Variants in TRHDE observed in about 807,000 individuals in gnomAD.
TRHDE encodes the protein thyrotropin-releasing hormone-degrading ectoenzyme.
TRHDE carries 72 observed loss-of-function variants against 125.7 expected under a neutral mutation model. The ratio of observed to expected loss-of-function variants is 0.57; its 90% CI spans 0.47 to 0.70. The LOEUF is 0.70. TRHDE is among the 30% of genes least tolerant of loss of function. The pLI is 0.00. For missense variants in TRHDE, 1,110 were observed against 1,327.1 expected, an observed-to-expected ratio of 0.84 and a Z score of 2.54; for synonymous variants, 509 against 509.1, an observed-to-expected ratio of 1.00 and a Z score of 0.00.
chr12:72,576,140 C>T (rs558901866), intron 12 of TRHDE, among the ~76,000 whole-genome samples: 2 of 152,220 alleles, frequency 1.3e-5, no homozygotes, highest in South Asian at 4.1e-4. Context: ...TAAACTGAAG[C>T]TATTTGCTCA....
intron 17 of TRHDE, among the ~76,000 whole-genome samples, chr12:72,655,159 A>G (rs1874658698): frequency 6.6e-6 from 1 of 151,888 alleles, no homozygotes; most frequent in Non-Finnish European, 1.5e-5. Context: ...TGCAGCCTTG[A>G]CCTCCTGAGT....
upstream of TRHDE, among the ~76,000 whole-genome samples, chr12:72,271,261 A>G (rs1879196404): frequency 6.6e-6 from 1 of 152,210 alleles, no homozygotes; most frequent in Non-Finnish European, 1.5e-5. Context: ...ATAATGTAAT[A>G]TATGTAGTCA....
intron 2 of TRHDE, among the ~76,000 whole-genome samples, chr12:72,252,089 C>T (rs1878698555): frequency 1.3e-5 from 2 of 151,646 alleles, no homozygotes; most frequent in South Asian, 4.2e-4. Context: ...CAGTCTGTAG[C>T]TTATATTTTT....
chr12:72,476,860 T>C (rs931086540), intron 5 of TRHDE, among the ~76,000 whole-genome samples: 2 of 152,186 alleles, frequency 1.3e-5, no homozygotes, highest in Non-Finnish European at 1.5e-5. Flanking sequence ...TGTATGTATG[T>C]GTGTTTTCAG....
chr12:72,597,762 T>TGC (rs1872037666), intron 12 of TRHDE, among the ~76,000 whole-genome samples: 1 of 80,682 alleles, frequency 1.2e-5, no homozygotes, highest in African/African-American at 4.7e-5. Context: ...TATATATGCA[T>TGC]ACACACACAA....
chr12:72,478,678 A>T (rs1372838895), intron 5 of TRHDE, among the ~76,000 whole-genome samples: 2 of 152,076 alleles, frequency 1.3e-5, no homozygotes, highest in African/African-American at 2.4e-5. Flanking sequence ...TACAAGGAGG[A>T]TATAAGAGCA....
In TRHDE at chr12:72,668,857, C is replaced by T. The variant is rs1245304564; in HGVS notation, c.*5662C>T. On this transcript the variant is annotated 3_prime_UTR_variant, in exon 19 of 19. Coordinates refer to ENST00000261180, the MANE Select transcript of TRHDE (RefSeq NM_013381.3). ...AGCTCAAACTAGTCATTAATCTGCCCTCAGCATGTATGAAAACATAATGTT... is the reference window on the plus strand; with the variant it reads ...AGCTCAAACTAGTCATTAATCTGCCTTCAGCATGTATGAAAACATAATGTT... The T allele has an allele frequency of 6.6e-6, 1 of 151,734 alleles. No individual in the cohort carries two copies. Among genetic ancestry groups the T allele is most frequent in the Non-Finnish European group, 1.5e-5 (1 of 67,812 alleles). 9.4% of individuals were successfully genotyped at this position (151,734 alleles called of 1,614,324 possible).
intron 3 of TRHDE, among the ~76,000 whole-genome samples, chr12:72,460,195 C>A (rs1172400089): frequency 2.6e-5 from 4 of 152,128 alleles, no homozygotes; most frequent in Non-Finnish European, 5.9e-5. Context: ...ATGTAAGAGA[C>A]CCTTGAGAAT....
intron 6 of TRHDE, among the ~76,000 whole-genome samples, chr12:72,531,535 T>G (rs1222781494): frequency 6.6e-6 from 1 of 152,124 alleles, no homozygotes; most frequent in African/African-American, 2.4e-5. Context: ...TCCTCCTTTA[T>G]CCCAAATTCA....
rs1182495318 is a variant in TRHDE, at chr12:72,668,240, A to G, written c.*5045A>G. 3 of 151,718 alleles carry G rather than the reference A, an allele frequency of 2.0e-5. No individual in the cohort carries two copies. The highest frequency in any genetic ancestry group is 3.0e-5 in the Non-Finnish European group (2 of 67,760). The allele number at this position is 151,718 out of a possible 1,614,324, so 9.4% of individuals were successfully genotyped here. A position where few individuals can be genotyped will look rare whatever the true frequency, so the allele number is the denominator to read the frequency against. On this transcript the variant is annotated 3_prime_UTR_variant, in exon 19 of 19. Coordinates refer to ENST00000261180, the MANE Select transcript of TRHDE (RefSeq NM_013381.3). ...TCAGTAGTTTTATTTTTATTTTGTGAAATTTTATTTTAAAGTTTAGGTAAG... is the reference window on the plus strand; with the variant it reads ...TCAGTAGTTTTATTTTTATTTTGTGGAATTTTATTTTAAAGTTTAGGTAAG...
At chr12:72,178,236 A>G (rs1877027760) in intron 2 of TRHDE, among the ~76,000 whole-genome samples, 1 of 152,138 alleles carries the variant, frequency 6.6e-6, no homozygotes, top group African/African-American at 2.4e-5. Context: ...AGAATATTGT[A>G]CTGTGTATTA....
intron 12 of TRHDE, among the ~76,000 whole-genome samples, chr12:72,584,579 C>T (rs1410452086): frequency 2.0e-5 from 3 of 152,158 alleles, no homozygotes; most frequent in African/African-American, 7.2e-5. Flanking sequence ...TAGCCTCTGG[C>T]AACCACTGTT....
chr12:72,660,400 C>T (rs1874870201), intron 18 of TRHDE, among the ~76,000 whole-genome samples: 1 of 152,026 alleles, frequency 6.6e-6, no homozygotes, highest in Non-Finnish European at 1.5e-5. Context: ...GCAGAGTGTT[C>T]CCTGACTCCT....
chr12:72,209,594 T>C (rs1877733996), intron 2 of TRHDE, among the ~76,000 whole-genome samples: 1 of 152,208 alleles, frequency 6.6e-6, no homozygotes, highest in Non-Finnish European at 1.5e-5. Flanking sequence ...TTTTGGATCA[T>C]CTAATAAGCT....
At chr12:72,135,119 GC>G (rs1466607496) in intron 2 of TRHDE, among the ~76,000 whole-genome samples, 1 of 152,144 alleles carries the variant, frequency 6.6e-6, no homozygotes, top group African/African-American at 2.4e-5. Flanking sequence ...ATGAAAACTG[GC>G]AATAAGCCCA....
chr12:72,148,206 T>G (rs1876272969), intron 2 of TRHDE, among the ~76,000 whole-genome samples: 1 of 152,170 alleles, frequency 6.6e-6, no homozygotes, highest in Non-Finnish European at 1.5e-5. Flanking sequence ...AACTCTTTTA[T>G]TTTTCCACAA....
At chr12:72,253,755 T>TTGCTCACA (rs1878742251) in intron 2 of TRHDE, 1 of 152,188 alleles carries the variant, frequency 6.6e-6, no homozygotes, top group Admixed American at 6.6e-5. Flanking sequence ...CAAATGAATA[T>TTGCTCACA]TGGATTTTAT....
intron 3 of TRHDE, among the ~76,000 whole-genome samples, chr12:72,450,930 C>T (rs539819723): frequency 9.6e-4 from 146 of 152,120 alleles, no homozygotes; most frequent in Middle Eastern, 3.4e-3. Context: ...TACTTCTTGG[C>T]CATTTGTATG....
At chr12:72,133,585 A>G (rs1466442465) in intron 2 of TRHDE, among the ~76,000 whole-genome samples, 1 of 152,214 alleles carries the variant, frequency 6.6e-6, no homozygotes, top group Non-Finnish European at 1.5e-5. Context: ...GAATTTCAAG[A>G]TGGACTAAAA....
Sources: gnomAD v4.1 joint callset for allele counts (sites outside exome capture counted in the v4.1 genomes callset) on GRCh38, gnomAD v4.1.1 for gene constraint, MANE v1.5 for transcripts, NCBI Gene and HGNC (gene_info 2026-07-23, HGNC 2026-07-21) for gene names.